The following DCSTAMP variants were observed in gnomAD, a reference collection of about 807,000 sequenced individuals.
The protein encoded by DCSTAMP is dendrocyte expressed seven transmembrane protein.
In DCSTAMP, 25 loss-of-function variants were observed where a neutral mutation model predicts 33.8. The ratio of observed to expected loss-of-function variants is 0.74; its 90% CI spans 0.54 to 1.03. DCSTAMP has a LOEUF of 1.03. DCSTAMP is among the 50% of genes least tolerant of loss of function. The pLI, the probability that DCSTAMP is intolerant of heterozygous loss-of-function variation, is 0.00. For missense variants in DCSTAMP, 531 were observed against 556.8 expected, an observed-to-expected ratio of 0.95 and a Z score of 0.47; for synonymous variants, 245 against 216.7, an observed-to-expected ratio of 1.13 and a Z score of -1.15.
chr8:104,340,426 A>G (rs2099382587), intron 1 of DCSTAMP: 3 of 152,256 alleles, frequency 2.0e-5, no homozygotes, highest in South Asian at 4.1e-4. Context: ...AGAACAGTAC[A>G]TTCTGAACCA....
At chr8:104,354,770 C>T (rs1433389698) in intron 2 of DCSTAMP, 107 bp from the exon 3 acceptor site, 1 of 709,328 alleles carries the variant, frequency 1.4e-6, no homozygotes, top group African/African-American at 1.8e-5. Flanking sequence ...GCCAAAGCTC[C>T]CTGTATATTT....
At chr8:104,341,760 C>T (rs2099382902) in intron 1 of DCSTAMP, among the ~76,000 whole-genome samples, 1 of 152,208 alleles carries the variant, frequency 6.6e-6, no homozygotes, top group African/African-American at 2.4e-5. Flanking sequence ...ACAAAAAGGG[C>T]TTTAACCCCA....
At chr8:104,345,123 G>A (rs907128790) in intron 1 of DCSTAMP, among the ~76,000 whole-genome samples, 1 of 151,840 alleles carries the variant, frequency 6.6e-6, no homozygotes, top group Non-Finnish European at 1.5e-5. Flanking sequence ...CGTCAGCTTG[G>A]GCATTCAATC....
rs147490686 is a variant in DCSTAMP, at chr8:104,349,007, A to G, written c.455A>G (p.Tyr152Cys). ...KKYIEAIQWI[Y>C]GLATPLSVFD... ...TATATTGAGGCAATTCAGTGGATTT[A>G]TGGCCTTGCCACTCCACTAAGTGTA... Residue 152 changes from tyrosine to cysteine, a missense_variant, in exon 2 of 4, where the codon TAT becomes TGT. Tyr to Cys is a radical substitution (Grantham distance 194, BLOSUM62 -2). Coordinates refer to ENST00000297581, the MANE Select transcript of DCSTAMP (RefSeq NM_030788.4). The G allele has an allele frequency of 4.3e-6, 7 of 1,614,222 alleles. No homozygotes were observed. The highest frequency in any genetic ancestry group is 5.9e-6 in the Non-Finnish European group (7 of 1,180,054).
At chr8:104,354,815 G>A in intron 2 of DCSTAMP, 62 bp from the exon 3 acceptor site, 1 of 1,167,778 alleles carries the variant, frequency 8.6e-7, no homozygotes, top group Non-Finnish European at 1.2e-6. Context: ...GAAGTACTGA[G>A]AAAGACAAGA....
rs571137318 is a variant in DCSTAMP, at chr8:104,340,748, G to A, written c.-13+886G>A. On this transcript the variant is annotated intron_variant, in intron 1 of 3. Coordinates refer to ENST00000297581, the MANE Select transcript of DCSTAMP (RefSeq NM_030788.4). ...GAGGCAGGTTGGACCACAGGTCTCCGTTTGGCGCTCTTTTCCTGTTCTGCT... is the reference window on the plus strand; with the variant it reads ...GAGGCAGGTTGGACCACAGGTCTCCATTTGGCGCTCTTTTCCTGTTCTGCT... 8.5e-5 allele frequency among the ~76,000 whole-genome samples: 13 copies of A among 152,314 alleles called. No individual in the cohort carries two copies. The South Asian group carries it at 1.0e-3, about 12-fold the overall frequency.
rs778514610 is a variant in DCSTAMP, at chr8:104,354,945, C to G, written c.1098C>G (p.Ile366Met). The change falls in exon 3 of 4, where the codon ATC becomes ATG. Residue 366 changes from isoleucine to methionine, a missense_variant. Coordinates refer to ENST00000297581, the MANE Select transcript of DCSTAMP (RefSeq NM_030788.4). ...TATCTGTGTTTGAACCCAACTGTAT[C>G]CCAAAACCAAAATTCCTTCTATCTG... ...FNISVFEPNC[I>M]PKPKFLLSET... 3 of 1,613,488 alleles carry G rather than the reference C, an allele frequency of 1.9e-6. No individual in the cohort carries two copies. The highest frequency in any genetic ancestry group is 1.7e-6 in the Non-Finnish European group (2 of 1,179,432).
chr8:104,342,734 G>A (rs957173817), intron 1 of DCSTAMP, among the ~76,000 whole-genome samples: 1 of 152,202 alleles, frequency 6.6e-6, no homozygotes, highest in Non-Finnish European at 1.5e-5. Flanking sequence ...AGACCAACAC[G>A]GAATGCACTT....
intron 1 of DCSTAMP, among the ~76,000 whole-genome samples, chr8:104,341,821 T>C (rs2099382920): frequency 6.6e-6 from 1 of 152,170 alleles, no homozygotes; most frequent in African/African-American, 2.4e-5. Flanking sequence ...CTGCTAAGGC[T>C]TCCCTGCCTG....
chr8:104,349,649 GAAC>G (rs1810412323), intron 2 of DCSTAMP, 68 bp downstream of exon 2: 7 of 1,525,934 alleles, frequency 4.6e-6, no homozygotes, highest in Non-Finnish European at 6.2e-6. Flanking sequence ...AAAAGATCAT[GAAC>G]CTCCCGAGGC....
At chr8:104,344,172 G>A (rs1488049504) in intron 1 of DCSTAMP, among the ~76,000 whole-genome samples, 1 of 152,074 alleles carries the variant, frequency 6.6e-6, no homozygotes, top group Non-Finnish European at 1.5e-5. Context: ...TATCAGCCAG[G>A]GAGGTGTCAA....
At chr8:104,343,360 C>A (rs2093876280) in intron 1 of DCSTAMP, among the ~76,000 whole-genome samples, 1 of 152,144 alleles carries the variant, frequency 6.6e-6, no homozygotes, top group Non-Finnish European at 1.5e-5. Flanking sequence ...TAATAACTAC[C>A]GTCTATTATT....
At chr8:104,355,605 T>C (rs1411095774) in intron 3 of DCSTAMP, among the ~76,000 whole-genome samples, 1 of 151,992 alleles carries the variant, frequency 6.6e-6, no homozygotes, top group African/African-American at 2.4e-5. Context: ...TGTGTATATA[T>C]AGAGAGAGGA....
rs1293745987 is a variant in DCSTAMP, at chr8:104,348,853, G to T, written c.301G>T (p.Ala101Ser). The T allele has an allele frequency of 6.2e-7, 1 of 1,614,074 alleles. No homozygotes were observed. Among genetic ancestry groups the T allele is most frequent in the Non-Finnish European group, 8.5e-7 (1 of 1,180,042 alleles). ...TGAAGGCAGGAATGCTTTGATTGCAGCTGGCACAGGGATCGTCATCTTGGG... is the reference window on the plus strand; with the variant it reads ...TGAAGGCAGGAATGCTTTGATTGCATCTGGCACAGGGATCGTCATCTTGGG... ...LREGRNALIAAGTGIVILGHV... is the reference protein window; with the variant it reads ...LREGRNALIASGTGIVILGHV... Residue 101 changes from alanine to serine, a missense_variant, in exon 2 of 4, where the codon GCT (alanine) becomes TCT (serine). Ala to Ser is a moderately conservative substitution (Grantham distance 99). Transcript: ENST00000297581.
intron 1 of DCSTAMP, among the ~76,000 whole-genome samples, chr8:104,347,485 C>T (rs980410677): frequency 6.6e-6 from 1 of 152,224 alleles, no homozygotes; most frequent in Non-Finnish European, 1.5e-5. Flanking sequence ...TTCAGCCTCT[C>T]AACCTAGGGT....
chr8:104,345,191 C>A (rs1476207379), intron 1 of DCSTAMP, among the ~76,000 whole-genome samples: 1 of 151,924 alleles, frequency 6.6e-6, no homozygotes. Flanking sequence ...AAAGAAACAA[C>A]AAGGAATGAG....
At chr8:104,344,319 TTAAA>T (rs1395457370) in intron 1 of DCSTAMP, among the ~76,000 whole-genome samples, 2 of 152,102 alleles carry the variant, frequency 1.3e-5, no homozygotes, top group African/African-American at 2.4e-5. Flanking sequence ...AATATCATAA[TTAAA>T]TAAAATAACA....
rs200594066 is a variant in DCSTAMP, at chr8:104,348,868, G to A, written c.316G>A (p.Val106Ile). The A allele has an allele frequency of 7.4e-6, 12 of 1,614,196 alleles. No homozygotes were observed. The East Asian group carries it at 2.0e-4, about 27-fold the overall frequency. Residue 106 changes from valine (V) to isoleucine (I), a missense_variant, in exon 2 of 4, where the codon GTC becomes ATC. By Grantham distance (29) the Val-to-Ile change is conservative. Transcript: ENST00000297581. ...TTTGATTGCAGCTGGCACAGGGATC[G>A]TCATCTTGGGACACGTAGAAAATAT... ...NALIAAGTGI[V>I]ILGHVENIFH...
At chr8:104,342,318 C>T (rs2099383045) in intron 1 of DCSTAMP, among the ~76,000 whole-genome samples, 1 of 152,200 alleles carries the variant, frequency 6.6e-6, no homozygotes, top group East Asian at 1.9e-4. Context: ...CAAGGCTGCA[C>T]TCTCACAATC....
Sources: allele counts gnomAD v4.1 joint callset (sites outside exome capture counted in the v4.1 genomes callset), GRCh38; gene constraint gnomAD v4.1.1; transcripts MANE v1.5; gene names NCBI Gene and HGNC (gene_info 2026-07-23, HGNC 2026-07-21).